Variants in ANKRD26 observed in about 807,000 individuals in gnomAD.
ANKRD26 encodes ankyrin repeat domain-containing protein 26.
Under a neutral mutation model 208.7 loss-of-function variants are expected in ANKRD26, and 141 were observed. The ratio of observed to expected loss-of-function variants is 0.68; its 90% CI spans 0.59 to 0.78. The LOEUF (loss-of-function observed/expected upper bound fraction) is 0.78, where lower values mean the gene tolerates loss of function less well. ANKRD26 is among the 30% of genes least tolerant of loss of function. The pLI, the probability that ANKRD26 is intolerant of heterozygous loss-of-function variation, is 0.00. For synonymous variants in ANKRD26, 636 were observed against 660.4 expected (o/e 0.96, Z 0.57); for missense variants, 1,889 against 1,938.7 (o/e 0.97, Z 0.48).
At chr10:26,970,077 C>T (rs574016741), downstream of ANKRD26, among the ~76,000 whole-genome samples, 37 of 152,148 alleles carry the variant, frequency 2.4e-4, 1 homozygote, top group African/African-American at 8.2e-4. Flanking sequence ...CTGCCTCAGC[C>T]GCCCAAAGTG....
rs1436338310 is a variant in ANKRD26 at position 27,060,522 on chromosome 10, A to C, written c.1481T>G (p.Leu494Arg). ...TATAAAACTTATTACCTTCAAGTGAAGATATCTCTCAGGAGACTCTAAAAA... is the reference window on the plus strand; with the variant it reads ...TATAAAACTTATTACCTTCAAGTGACGATATCTCTCAGGAGACTCTAAAAA... ...VAHMESPERY[L>R]HLKPTIEMKD... Residue 494 changes from leucine to arginine, a missense_variant, in exon 14 of 34, where the codon CTT (leucine) becomes CGT (arginine). Physicochemically the swap from Leu to Arg is moderately radical, Grantham distance 102. Coordinates refer to ENST00000376087, the MANE Select transcript of ANKRD26 (RefSeq NM_014915.3). 4 of 1,547,776 alleles carry C rather than the reference A, an allele frequency of 2.6e-6. No individual in the cohort carries two copies. The Admixed American group carries it at 5.0e-5, about 19-fold the overall frequency.
the ANKRD26 span, among the ~76,000 whole-genome samples, chr10:26,953,249 G>T: frequency 1.3e-5 from 2 of 152,024 alleles, no homozygotes; most frequent in Non-Finnish European, 2.9e-5. Flanking sequence ...ACATAAGCAA[G>T]ACCCTGTCTC....
intron 4 of ANKRD26, among the ~76,000 whole-genome samples, chr10:27,089,884 T>C (rs2056243256): frequency 2.0e-5 from 3 of 148,810 alleles, no homozygotes; most frequent in Non-Finnish European, 4.5e-5. Context: ...AGTAGGCTAA[T>C]TCACTGCCAT....
exon 6 of ANKRD26, among the ~76,000 whole-genome samples, chr10:26,975,659 T>C (rs1207085083): frequency 1.3e-5 from 2 of 151,790 alleles, no homozygotes; most frequent in African/African-American, 4.8e-5. Context: ...CTGGCCAACA[T>C]GGTGAAACCC....
chr10:27,051,192 C>T (rs1316729815), intron 16 of ANKRD26: 13 of 1,289,770 alleles, frequency 1.0e-5, no homozygotes, highest in Middle Eastern at 2.1e-4. Flanking sequence ...TCTGTCACCA[C>T]GTGGTGGAGA....
intron 15 of ANKRD26, among the ~76,000 whole-genome samples, chr10:27,053,865 T>C (rs7475999): frequency 8.3e-4 from 126 of 152,380 alleles, no homozygotes; most frequent in African/African-American, 2.8e-3. Context: ...TAATGTTCTC[T>C]ATAACAGTAT....
intron 16 of ANKRD26, chr10:27,051,140 C>T: frequency 7.8e-7 from 1 of 1,290,310 alleles, no homozygotes; most frequent in Non-Finnish European, 1.0e-6. Context: ...TAAACCTTTG[C>T]ATATCTTGCT....
At chr10:26,963,004 T>A in the ANKRD26 span, among the ~76,000 whole-genome samples, 1 of 152,206 alleles carries the variant, frequency 6.6e-6, no homozygotes, top group Non-Finnish European at 1.5e-5. Flanking sequence ...CTACTCGGTA[T>A]ACACTATTAT....
At chr10:27,051,186 T>C in intron 16 of ANKRD26, 1 of 1,290,012 alleles carries the variant, frequency 7.8e-7, no homozygotes, top group Non-Finnish European at 1.0e-6. Flanking sequence ...TGATGTTCTG[T>C]CACCACGTGG....
At chr10:27,084,872 CA>C (rs375120568) in intron 5 of ANKRD26, among the ~76,000 whole-genome samples, 24,968 of 99,300 alleles carry the variant, frequency 0.25, 2,668 homozygotes, top group Middle Eastern at 0.43. Context: ...AACTCCATTT[CA>C]AAAAAAAAAA....
At chr10:26,996,163 C>G (rs192966615) in intron 4 of ANKRD26, among the ~76,000 whole-genome samples, 1 of 152,282 alleles carries the variant, frequency 6.6e-6, no homozygotes, top group East Asian at 1.9e-4. Context: ...AATCTCCACC[C>G]TCAGCCCAGG....
chr10:27,024,754 A>C (rs887408501), intron 27 of ANKRD26, among the ~76,000 whole-genome samples, 195 bp from the exon 28 acceptor site: 5 of 152,206 alleles, frequency 3.3e-5, no homozygotes, highest in African/African-American at 1.2e-4. Flanking sequence ...TCTGGAATTT[A>C]AATTACCAAA....
At position 27,077,479 on chromosome 10, in the gene ANKRD26, G is replaced by T. The variant is rs770877386; in HGVS notation, c.936C>A (p.Ser312=). The change falls in exon 9 of 34, where the codon TCC becomes TCA. Residue 312 remains serine (S), a synonymous_variant. Coordinates refer to ENST00000376087, the MANE Select transcript of ANKRD26 (RefSeq NM_014915.3). ...GNRTLFEDRD[S]DSQDEVVVES... is the part of the protein sequence containing the mutation. ...CAACCACAACTTCATCTTGACTATC[G>T]GAATCTCTATCCTCAAACAAAGTTC... The T allele has an allele frequency of 1.2e-6, 2 of 1,613,758 alleles. No individual in the cohort carries two copies. The highest frequency in any genetic ancestry group is 2.7e-5 in the African/African-American group (2 of 74,868).
intron 5 of ANKRD26, among the ~76,000 whole-genome samples, chr10:26,978,165 T>C (rs1291050348): frequency 6.6e-6 from 1 of 152,092 alleles, no homozygotes; most frequent in Non-Finnish European, 1.5e-5. Flanking sequence ...CTAAAGTGTT[T>C]GGAGGCAGGG....
At chr10:26,980,457 A>G (rs1193830168) in intron 5 of ANKRD26, among the ~76,000 whole-genome samples, 1 of 152,226 alleles carries the variant, frequency 6.6e-6, no homozygotes, top group African/African-American at 2.4e-5. Flanking sequence ...ATGACGAGTG[A>G]CCTGACAATG....
intron 18 of ANKRD26, among the ~76,000 whole-genome samples, 178 bp from the exon 19 acceptor site, chr10:27,044,368 A>T (rs2054368582): frequency 6.6e-6 from 1 of 152,214 alleles, no homozygotes; most frequent in Admixed American, 6.5e-5. Context: ...TACAAGGGGT[A>T]TTAAACTATA....
chr10:27,086,929 G>A (rs916901873), intron 4 of ANKRD26, among the ~76,000 whole-genome samples: 5 of 151,648 alleles, frequency 3.3e-5, no homozygotes, highest in Non-Finnish European at 7.4e-5. Flanking sequence ...CCGTCACTAC[G>A]CTCAGCTAAT....
intron 9 of ANKRD26, among the ~76,000 whole-genome samples, chr10:27,075,882 C>T (rs2055681046): frequency 6.6e-6 from 1 of 152,144 alleles, no homozygotes; most frequent in Non-Finnish European, 1.5e-5. Flanking sequence ...TTTTAAAAAA[C>T]TGAAATCATA....
chr10:27,012,763 G>C, intron 32 of ANKRD26, 119 bp downstream of exon 32: 1 of 941,488 alleles, frequency 1.1e-6, no homozygotes, highest in African/African-American at 1.6e-5. Context: ...AGTGAGCCAA[G>C]ATGGCACCAC....
Sources: allele counts gnomAD v4.1 joint callset (sites outside exome capture counted in the v4.1 genomes callset), GRCh38; gene constraint gnomAD v4.1.1; transcripts MANE v1.5; gene names NCBI Gene and HGNC (gene_info 2026-07-23, HGNC 2026-07-21).